The following PHF14 variants were observed in gnomAD, a reference collection of about 807,000 sequenced individuals.
The protein encoded by PHF14 is PHD finger protein 14.
Under a neutral mutation model 117.9 loss-of-function variants are expected in PHF14, and 55 were observed. The observed-to-expected ratio is 0.47, with a 90% CI of 0.38 to 0.58. The LOEUF (loss-of-function observed/expected upper bound fraction) is 0.58, where lower values mean the gene tolerates loss of function less well. Ranked by LOEUF, PHF14 falls within the 20% of genes least tolerant of loss-of-function variation. The pLI is 0.00. For missense variants in PHF14, 978 were observed against 1,122.2 expected, an observed-to-expected ratio of 0.87 and a Z score of 1.84; for synonymous variants, 409 against 368.6, an observed-to-expected ratio of 1.11 and a Z score of -1.26.
chr7:11,018,955 T>C, intron 5 of PHF14, among the ~76,000 whole-genome samples: 1 of 152,210 alleles, frequency 6.6e-6, no homozygotes, highest in Non-Finnish European at 1.5e-5. Flanking sequence ...GAAGGGATGT[T>C]GAATTTTATT....
intron 16 of PHF14, among the ~76,000 whole-genome samples, chr7:11,100,235 T>C (rs1441351561): frequency 2.0e-5 from 3 of 152,012 alleles, no homozygotes; most frequent in Non-Finnish European, 4.4e-5. Flanking sequence ...AATTTGAAAA[T>C]AGGACTGGAC....
chr7:11,016,764 T>A (rs75204543), intron 5 of PHF14, among the ~76,000 whole-genome samples: 1,971 of 152,288 alleles, frequency 0.013, 40 homozygotes, highest in African/African-American at 0.045. Context: ...CTCTTTAAGT[T>A]ATTTTTAAGT....
At chr7:10,995,907 C>T (rs1408936086) in intron 4 of PHF14, among the ~76,000 whole-genome samples, 1 of 152,222 alleles carries the variant, frequency 6.6e-6, no homozygotes, top group Non-Finnish European at 1.5e-5. Flanking sequence ...CCGTGCCTCT[C>T]CCTCCACACC....
intron 16 of PHF14, chr7:11,104,927 T>G: frequency 1.0e-6 from 1 of 973,352 alleles, no homozygotes; most frequent in Non-Finnish European, 1.2e-6. Context: ...TAAAGGAATG[T>G]GCTTTTAACA....
chr7:11,117,764 G>A (rs941000981), intron 17 of PHF14, among the ~76,000 whole-genome samples: 1 of 151,568 alleles, frequency 6.6e-6, no homozygotes, highest in Non-Finnish European at 1.5e-5. Context: ...GGTAATATTG[G>A]AAATTGAATG....
intron 6 of PHF14, among the ~76,000 whole-genome samples, 182 bp downstream of exon 6, chr7:11,023,161 A>G (rs1286426034): frequency 6.6e-6 from 1 of 152,164 alleles, no homozygotes; most frequent in African/African-American, 2.4e-5. Context: ...AAATTCTTCT[A>G]TACATTCTTA....
chr7:11,070,737 G>C (rs1785588337), intron 16 of PHF14, among the ~76,000 whole-genome samples: 1 of 152,172 alleles, frequency 6.6e-6, no homozygotes, highest in Admixed American at 6.5e-5. Context: ...TCCACGAGGT[G>C]AGTATAGCAT....
intron 12 of PHF14, among the ~76,000 whole-genome samples, chr7:11,041,212 T>A (rs57011556): frequency 0.013 from 1,997 of 152,106 alleles, 43 homozygotes; most frequent in African/African-American, 0.046. Context: ...GTTTTGAGTT[T>A]CTACACTTTT....
At chr7:11,115,385 T>C (rs1415771923) in intron 17 of PHF14, among the ~76,000 whole-genome samples, 1 of 152,058 alleles carries the variant, frequency 6.6e-6, no homozygotes, top group Admixed American at 6.6e-5. Context: ...ATAACATCTT[T>C]TTAAATTTTC....
At chr7:11,040,630 C>T (rs1425539147) in intron 11 of PHF14, 42 bp from the exon 12 acceptor site, 1 of 1,076,602 alleles carries the variant, frequency 9.3e-7, no homozygotes, top group Non-Finnish European at 1.3e-6. Context: ...GCTTTTATTT[C>T]TTTCTTAAAA....
At chr7:11,083,464 ATT>A (rs776573456) in intron 16 of PHF14, among the ~76,000 whole-genome samples, 8 of 112,294 alleles carry the variant, frequency 7.1e-5, no homozygotes, top group Non-Finnish European at 7.0e-5. Flanking sequence ...TGCTTTCCCT[ATT>A]TTTTTTTTTT....
chr7:11,023,628 A>C (rs1371162749), intron 6 of PHF14, among the ~76,000 whole-genome samples: 1 of 152,148 alleles, frequency 6.6e-6, no homozygotes, highest in Non-Finnish European at 1.5e-5. Flanking sequence ...GGAGTTCGAG[A>C]CCAGCCTGGC....
chr7:11,082,276 A>T (rs954692834), intron 16 of PHF14, among the ~76,000 whole-genome samples: 1 of 152,132 alleles, frequency 6.6e-6, no homozygotes, highest in African/African-American at 2.4e-5. Flanking sequence ...AGCTTGGGAC[A>T]TATTGAGGCT....
intron 5 of PHF14, among the ~76,000 whole-genome samples, chr7:11,016,419 T>A (rs891937040): frequency 5.3e-5 from 8 of 152,072 alleles, no homozygotes; most frequent in Non-Finnish European, 8.8e-5. Flanking sequence ...ATTAGACTTT[T>A]TTCCTTCTAT....
At chr7:11,019,896 C>G (rs1038658226) in intron 5 of PHF14, among the ~76,000 whole-genome samples, 2 of 152,114 alleles carry the variant, frequency 1.3e-5, no homozygotes, top group Non-Finnish European at 2.9e-5. Flanking sequence ...AGGGCTTTTG[C>G]TGTATCCCAT....
Position 10,983,640 on chromosome 7 carries a change from T to A in PHF14, c.900+481T>A, listed in dbSNP as rs571026511. Among the ~76,000 whole-genome samples, 14 of 152,304 alleles carry A rather than the reference T, an allele frequency of 9.2e-5. 1 individual carries two copies. The South Asian group carries it at 2.7e-3, about 29-fold the overall frequency. ...ACCTTTAGAGATTCGTTTTAAATATTAATTCCTTTACCAGTTGTAGCACTC... is the reference window on the plus strand; with the variant it reads ...ACCTTTAGAGATTCGTTTTAAATATAAATTCCTTTACCAGTTGTAGCACTC... On this transcript the variant is annotated intron_variant, in intron 3 of 17. Transcript: ENST00000634607.
intron 4 of PHF14, among the ~76,000 whole-genome samples, chr7:10,991,207 G>T (rs1028532506): frequency 6.6e-6 from 1 of 151,968 alleles, no homozygotes; most frequent in Non-Finnish European, 1.5e-5. Context: ...TTGAGATGAT[G>T]TCTCGCACTG....
intron 16 of PHF14, among the ~76,000 whole-genome samples, chr7:11,100,303 G>C (rs1787040753): frequency 6.6e-6 from 1 of 151,784 alleles, no homozygotes; most frequent in Non-Finnish European, 1.5e-5. Context: ...AGTCATTTTG[G>C]CCTGGGAATT....
At chr7:11,024,879 A>T (rs1783856528) in intron 6 of PHF14, among the ~76,000 whole-genome samples, 2 of 152,246 alleles carry the variant, frequency 1.3e-5, no homozygotes, top group African/African-American at 4.8e-5. Context: ...TTGACTTTAA[A>T]GTCTGATTAT....
Sources: allele counts gnomAD v4.1 joint callset (sites outside exome capture counted in the v4.1 genomes callset), GRCh38; gene constraint gnomAD v4.1.1; transcripts MANE v1.5; gene names NCBI Gene and HGNC (gene_info 2026-07-23, HGNC 2026-07-21).